SHOC1: variants seen among roughly 807,000 people sequenced by gnomAD.
SHOC1 encodes the protein protein shortage in chiasmata 1 ortholog.
In SHOC1, 136 loss-of-function variants were observed where a neutral mutation model predicts 179.2. The observed-to-expected ratio is 0.76, with a 90% confidence interval of 0.66 to 0.87. SHOC1 has a LOEUF of 0.87. SHOC1 is among the 40% of genes least tolerant of loss of function. The pLI is 0.00. For missense variants in SHOC1, 1,538 were observed against 1,700.8 expected, an observed-to-expected ratio of 0.90 and a Z score of 1.68; for synonymous variants, 489 against 586.6, an observed-to-expected ratio of 0.83 and a Z score of 2.41.
intron 5 of SHOC1, among the ~76,000 whole-genome samples, chr9:111,768,990 T>C (rs896214855): frequency 6.6e-6 from 1 of 152,238 alleles, no homozygotes; most frequent in Non-Finnish European, 1.5e-5. Context: ...CAAATGCTTT[T>C]TTCAGCACCT....
chr9:111,694,127 C>G, intron 25 of SHOC1, 104 bp downstream of exon 25: 1 of 1,242,472 alleles, frequency 8.0e-7, no homozygotes, highest in South Asian at 1.5e-5. Flanking sequence ...ACCTACCACT[C>G]AATTTGAGAC....
intron 22 of SHOC1, among the ~76,000 whole-genome samples, chr9:111,703,642 C>T (rs1336310167): frequency 6.6e-6 from 1 of 151,926 alleles, no homozygotes. Context: ...GGTTAATATA[C>T]AATATTAAAT....
intron 1 of SHOC1, among the ~76,000 whole-genome samples, chr9:111,794,013 G>C (rs1041113938): frequency 1.3e-5 from 2 of 151,160 alleles, no homozygotes; most frequent in East Asian, 3.9e-4. Flanking sequence ...CACCATGCCC[G>C]GCTAATTTTT....
chr9:111,786,649 C>T (rs998366405), intron 2 of SHOC1, among the ~76,000 whole-genome samples: 13 of 151,762 alleles, frequency 8.6e-5, no homozygotes, highest in Admixed American at 2.6e-4. Context: ...GAAACTTTTC[C>T]GTTATTATTC....
rs184880317 is a variant in SHOC1, at chr9:111,729,807, G to A, written c.1418-1758C>T. Among the ~76,000 whole-genome samples, 12 of 151,038 alleles carry A rather than the reference G, an allele frequency of 7.9e-5. No homozygotes were observed. The Admixed American group carries it at 8.0e-4, about 10-fold the overall frequency. On this transcript the variant is annotated intron_variant, in intron 12 of 27. Transcript: ENST00000682961. Reference sequence around the variant, plus strand: ...CTCAGGAGGCTGAGGCAGGAGAATCGCTTGAACCTGAGAGGCGGAGGGTAC... The same window carrying A: ...CTCAGGAGGCTGAGGCAGGAGAATCACTTGAACCTGAGAGGCGGAGGGTAC...
intron 26 of SHOC1, among the ~76,000 whole-genome samples, chr9:111,693,347 G>A (rs1831530695): frequency 1.3e-5 from 2 of 148,574 alleles, no homozygotes; most frequent in Admixed American, 1.4e-4. Context: ...CACTTTGGGA[G>A]GCCAAGGTGG....
At chr9:111,701,607 T>C (rs1251896896) in intron 23 of SHOC1, among the ~76,000 whole-genome samples, 1 of 152,166 alleles carries the variant, frequency 6.6e-6, no homozygotes, top group African/African-American at 2.4e-5. Context: ...AAGCTTAAAA[T>C]GCTTTACGCC....
In SHOC1 at chr9:111,758,086, C is replaced by T. The variant is rs1362318769; in HGVS notation, c.706G>A (p.Glu236Lys). The T allele has an allele frequency of 6.8e-7, 1 of 1,461,026 alleles. No homozygotes were observed. The highest frequency in any genetic ancestry group is 2.3e-5 in the East Asian group (1 of 43,454). The allele number at this position is 1,461,026 out of a possible 1,614,324, so 90.5% of individuals were successfully genotyped here. A position where few individuals can be genotyped will look rare whatever the true frequency, so the allele number is the denominator to read the frequency against. Reference protein sequence around the residue: ...EKLEDTICLNEPSSFLIEYEF... With the variant: ...EKLEDTICLNKPSSFLIEYEF... Reference sequence around the variant, plus strand: ...TTATTGAAAGCCAGTATTACAACCTCATTTAAACATATTGTATCTTCTAGT... The same window carrying T: ...TTATTGAAAGCCAGTATTACAACCTTATTTAAACATATTGTATCTTCTAGT... The change falls in exon 7 of 28, where the codon GAG (glutamate) becomes AAG (lysine). Residue 236 changes from glutamate (E) to lysine (K), a missense_variant and splice_region_variant. Physicochemically the swap from Glu to Lys is moderately conservative, Grantham distance 56 (BLOSUM62 1). Coordinates refer to ENST00000682961, the MANE Select transcript of SHOC1 (RefSeq NM_001378211.1).
In SHOC1 at chr9:111,794,907, A is replaced by G. The variant is rs530234399; in HGVS notation, c.-44T>C. ...GCCTCTCAGGGCTCTTACCTGAGGT[A>G]AAAATCGCCTCCTGCATCTCTTCCT... On this transcript the variant is annotated 5_prime_UTR_variant, in exon 1 of 28. Coordinates refer to ENST00000682961, the MANE Select transcript of SHOC1 (RefSeq NM_001378211.1). 1.3e-5 allele frequency: 2 copies of G among 153,224 alleles called. No individual in the cohort carries two copies. The highest frequency in any genetic ancestry group is 4.1e-4 in the South Asian group (2 of 4,834). The allele number at this position is 153,224 out of a possible 1,614,324, so 9.5% of individuals were successfully genotyped here.
In SHOC1 at chr9:111,686,835, GT is replaced by G. The variant is rs1564097091; in HGVS notation, c.4461del (p.Lys1487AsnfsTer4). 6.2e-7 allele frequency: 1 copy of G among 1,612,084 alleles called. No homozygotes were observed. The highest frequency in any genetic ancestry group is 8.5e-7 in the Non-Finnish European group (1 of 1,178,996). On this transcript the variant is annotated frameshift_variant, in exon 28 of 28. Transcript: ENST00000682961. LOFTEE classifies it high-confidence loss of function. Reference sequence around the variant, plus strand: ...GGGACTTTTTCATATGCTAGACGTCGTTTTTTGAATTGTGGTAGTTGTGAGC... The same window carrying G: ...GGGACTTTTTCATATGCTAGACGTCGTTTTTGAATTGTGGTAGTTGTGAGC... Reference protein sequence around the residue: ...FMCSQLPQFKKRRLAYEKVPG... With the variant: ...FMCSQLPQFKXRRLAYEKVPG...
At chr9:111,702,691 G>A (rs1021866483) in intron 22 of SHOC1, among the ~76,000 whole-genome samples, 3 of 152,236 alleles carry the variant, frequency 2.0e-5, no homozygotes, top group Non-Finnish European at 4.4e-5. Flanking sequence ...GCAGTTAATG[G>A]ACTTTCTGGG....
chr9:111,779,086 G>A (rs1324564756), intron 4 of SHOC1, among the ~76,000 whole-genome samples: 5 of 132,104 alleles, frequency 3.8e-5, no homozygotes, highest in Non-Finnish European at 7.9e-5. Context: ...GCGACAGAGC[G>A]AGACTCTGTG....
In SHOC1 at chr9:111,693,783, A is replaced by G. The variant is rs1831558509; in HGVS notation, c.3465+16T>C. On this transcript the variant is annotated intron_variant, in intron 26 of 27. Transcript: ENST00000682961. ...GAAATAAATTCATATCATAGTACAG[A>G]TCTCAAATAACTAACCTTTAACACT... 6.4e-7 allele frequency: 1 copy of G among 1,572,594 alleles called. No homozygotes were observed. Among genetic ancestry groups the G allele is most frequent in the Admixed American group, 1.8e-5 (1 of 56,712 alleles).
intron 1 of SHOC1, among the ~76,000 whole-genome samples, chr9:111,792,840 T>C (rs1341705023): frequency 1.3e-5 from 2 of 152,092 alleles, no homozygotes; most frequent in African/African-American, 4.8e-5. Flanking sequence ...TGAGAATATT[T>C]CCAATCATTG....
intron 3 of SHOC1, among the ~76,000 whole-genome samples, chr9:111,785,449 C>T (rs891107363): frequency 1.3e-5 from 2 of 152,122 alleles, no homozygotes; most frequent in African/African-American, 2.4e-5. Context: ...GTGCTTGGTA[C>T]ATAATATATA....
intron 5 of SHOC1, among the ~76,000 whole-genome samples, chr9:111,767,471 C>G (rs1428587936): frequency 6.6e-6 from 1 of 152,020 alleles, no homozygotes; most frequent in Non-Finnish European, 1.5e-5. Flanking sequence ...GTTCTTGGTG[C>G]CTTTGTCAAA....
chr9:111,744,175 C>T (rs916259448), intron 10 of SHOC1, among the ~76,000 whole-genome samples: 1 of 149,368 alleles, frequency 6.7e-6, no homozygotes, highest in African/African-American at 2.5e-5. Context: ...CTAAAAATGC[C>T]AGTCTGTCAT....
rs1387654775 is a variant in SHOC1, at chr9:111,758,142, C to T, written c.650G>A (p.Cys217Tyr). ...TLEAFVKEDF[C>Y]MDKVNFCQEK... Reference sequence around the variant, plus strand: ...TTGACAAAAGTTCACTTTATCCATACAAAAATCTTCTTTCACAAAAGCTTC... The same window carrying T: ...TTGACAAAAGTTCACTTTATCCATATAAAAATCTTCTTTCACAAAAGCTTC... The change falls in exon 7 of 28, where the codon TGT becomes TAT. Residue 217 changes from cysteine (C) to tyrosine (Y), a missense_variant. Cys to Tyr is a radical substitution (Grantham distance 194). Transcript: ENST00000682961. 1.3e-6 allele frequency: 2 copies of T among 1,589,254 alleles called. No homozygotes were observed. The highest frequency in any genetic ancestry group is 1.7e-4 in the Middle Eastern group (1 of 6,028).
At chr9:111,726,748 C>T (rs997851398) in intron 13 of SHOC1, among the ~76,000 whole-genome samples, 2 of 152,120 alleles carry the variant, frequency 1.3e-5, no homozygotes, top group Non-Finnish European at 2.9e-5. Flanking sequence ...TGCGGTAATA[C>T]TACCTACTTT....
Sources: gnomAD v4.1 joint callset for allele counts (sites outside exome capture counted in the v4.1 genomes callset) on GRCh38, gnomAD v4.1.1 for gene constraint, MANE v1.5 for transcripts, NCBI Gene and HGNC (gene_info 2026-07-23, HGNC 2026-07-21) for gene names.